Variants in LDB2 observed in about 807,000 individuals in gnomAD.
The protein encoded by LDB2 is LIM domain binding 2, also known as LIM domain-binding protein 2.
Under a neutral mutation model 44.3 loss-of-function variants are expected in LDB2, and 12 were observed. The observed-to-expected ratio is 0.27, with a 90% CI of 0.17 to 0.44. The LOEUF is 0.44. Among genes scored for constraint, LDB2 ranks in the 20% least tolerant of loss-of-function variants. LDB2 has a pLI of 1.00. For missense variants in LDB2, 344 were observed against 473.5 expected (o/e 0.73, Z 2.54); for synonymous variants, 164 against 174.8 (o/e 0.94, Z 0.49).
chr4:16,810,170 A>G (rs758688447), intron 1 of LDB2, among the ~76,000 whole-genome samples: 1 of 152,124 alleles, frequency 6.6e-6, no homozygotes, highest in Non-Finnish European at 1.5e-5. Flanking sequence ...ATGCTACTAT[A>G]AAGGGAGAGG....
At chr4:16,711,310 T>A (rs78991457) in intron 2 of LDB2, among the ~76,000 whole-genome samples, 2,834 of 152,292 alleles carry the variant, frequency 0.019, 36 homozygotes, top group Non-Finnish European at 0.028. Context: ...ATCTACTTTG[T>A]GCCAGGCACT....
chr4:16,860,890 T>C (rs117783872), intron 1 of LDB2, among the ~76,000 whole-genome samples: 2 of 151,222 alleles, frequency 1.3e-5, no homozygotes, highest in East Asian at 4.0e-4. Flanking sequence ...AAAAACTGAA[T>C]ACCCCAGGGG....
chr4:16,858,135 T>C (rs997854079), intron 1 of LDB2, among the ~76,000 whole-genome samples: 19 of 152,202 alleles, frequency 1.2e-4, no homozygotes, highest in African/African-American at 4.1e-4. Flanking sequence ...CACACAATTC[T>C]AGTAACAACC....
At chr4:16,792,257 C>T (rs191009774) in intron 1 of LDB2, among the ~76,000 whole-genome samples, 53 of 152,266 alleles carry the variant, frequency 3.5e-4, no homozygotes, top group Admixed American at 3.9e-4. Flanking sequence ...GACAACAGGG[C>T]GACCCATGAA....
chr4:16,717,759 C>T (rs1757387430), intron 2 of LDB2, among the ~76,000 whole-genome samples: 1 of 152,144 alleles, frequency 6.6e-6, no homozygotes, highest in Non-Finnish European at 1.5e-5. Context: ...CCAAATTTCT[C>T]CCACGCATTT....
chr4:16,838,235 G>C (rs746824258), intron 1 of LDB2, among the ~76,000 whole-genome samples: 2 of 152,130 alleles, frequency 1.3e-5, no homozygotes, highest in East Asian at 3.9e-4. Context: ...CAGGTCCTAC[G>C]CTAGGAGAGG....
chr4:16,549,107 C>A (rs1375998522), intron 5 of LDB2, among the ~76,000 whole-genome samples: 1 of 152,280 alleles, frequency 6.6e-6, no homozygotes, highest in African/African-American at 2.4e-5. Flanking sequence ...CTGTTCAGAG[C>A]TTTTTCTAGA....
intron 5 of LDB2, among the ~76,000 whole-genome samples, chr4:16,512,473 AC>A (rs1418044225): frequency 6.6e-6 from 1 of 151,856 alleles, no homozygotes; most frequent in Non-Finnish European, 1.5e-5. Flanking sequence ...AAACAAACAA[AC>A]AAAAAAAACC....
At chr4:16,590,165 T>TC (rs1335861682) in intron 3 of LDB2, among the ~76,000 whole-genome samples, 2 of 152,138 alleles carry the variant, frequency 1.3e-5, no homozygotes, top group Non-Finnish European at 2.9e-5. Context: ...GAGCTGGGCC[T>TC]CCATCTCGGC....
intron 2 of LDB2, among the ~76,000 whole-genome samples, chr4:16,699,127 A>G (rs1350204410): frequency 6.6e-6 from 1 of 152,228 alleles, no homozygotes; most frequent in African/African-American, 2.4e-5. Flanking sequence ...AAATAAAGAG[A>G]GGTCAAGAGC....
At chr4:16,615,094 T>TAAAAAAAA (rs113472116) in intron 2 of LDB2, among the ~76,000 whole-genome samples, 1 of 100,538 alleles carries the variant, frequency 9.9e-6, no homozygotes, top group African/African-American at 3.7e-5. Flanking sequence ...AAAAAAAAAG[T>TAAAAAAAA]CAAGAAACAA....
intron 2 of LDB2, among the ~76,000 whole-genome samples, chr4:16,625,625 A>C (rs773508356): frequency 4.6e-5 from 7 of 152,190 alleles, no homozygotes; most frequent in Non-Finnish European, 7.3e-5. Flanking sequence ...GAAAAACACA[A>C]ATGCAATAAA....
intron 1 of LDB2, among the ~76,000 whole-genome samples, chr4:16,822,430 A>T (rs967408992): frequency 1.3e-5 from 2 of 152,120 alleles, no homozygotes; most frequent in African/African-American, 4.8e-5. Flanking sequence ...TTTAGGTCTG[A>T]GTTTAAATAT....
At chr4:16,693,866 C>T (rs1751468369) in intron 2 of LDB2, among the ~76,000 whole-genome samples, 1 of 152,152 alleles carries the variant, frequency 6.6e-6, no homozygotes, top group Non-Finnish European at 1.5e-5. Flanking sequence ...CCAGGGGAGA[C>T]CTGACACACC....
At chr4:16,872,175 C>T (rs1223548973) in intron 1 of LDB2, among the ~76,000 whole-genome samples, 10 of 151,716 alleles carry the variant, frequency 6.6e-5, no homozygotes, top group Non-Finnish European at 1.3e-4. Flanking sequence ...AACATTTATC[C>T]ATAGAGCTCT....
chr4:16,875,015 C>T (rs1717933731), intron 1 of LDB2, among the ~76,000 whole-genome samples: 2 of 152,160 alleles, frequency 1.3e-5, no homozygotes, highest in South Asian at 2.1e-4. Flanking sequence ...ACCACTACAG[C>T]CATAGACATG....
At chr4:16,741,506 G>C (rs1333668100) in intron 2 of LDB2, 1 of 152,222 alleles carries the variant, frequency 6.6e-6, no homozygotes, top group East Asian at 1.9e-4. Context: ...GAGGGAACTA[G>C]GGAATGAGGT....
chr4:16,786,068 G>A (rs1344348927), intron 1 of LDB2, among the ~76,000 whole-genome samples: 2 of 152,098 alleles, frequency 1.3e-5, no homozygotes, highest in Non-Finnish European at 2.9e-5. Flanking sequence ...AGGGAGCTCT[G>A]ATTTCTGGAA....
At chr4:16,557,476 T>G (rs1012351570) in intron 5 of LDB2, among the ~76,000 whole-genome samples, 5 of 152,022 alleles carry the variant, frequency 3.3e-5, no homozygotes, top group Non-Finnish European at 7.4e-5. Flanking sequence ...CAGTCTGAGA[T>G]CAAACTGCAA....
Sources: gnomAD v4.1 joint callset for allele counts (sites outside exome capture counted in the v4.1 genomes callset) on GRCh38, gnomAD v4.1.1 for gene constraint, MANE v1.5 for transcripts, NCBI Gene and HGNC (gene_info 2026-07-23, HGNC 2026-07-21) for gene names.